The following DMTF1 variants were observed in gnomAD, a reference collection of about 807,000 sequenced individuals.
DMTF1 encodes cyclin-D-binding Myb-like transcription factor 1.
Under a neutral mutation model 91.1 loss-of-function variants are expected in DMTF1, and 39 were observed. That is an observed-to-expected ratio of 0.43 (90% CI 0.33 to 0.56). DMTF1 has a LOEUF of 0.56. DMTF1 is among the 20% of genes least tolerant of loss of function. The pLI, the probability that DMTF1 is intolerant of heterozygous loss-of-function variation, is 0.05. For synonymous variants in DMTF1, 338 were observed against 309.5 expected, an observed-to-expected ratio of 1.09 and a Z score of -0.97; for missense variants, 750 against 914.5, an observed-to-expected ratio of 0.82 and a Z score of 2.32.
At chr7:87,191,954 G>T (rs1466429180) in intron 14 of DMTF1, among the ~76,000 whole-genome samples, 3 of 152,092 alleles carry the variant, frequency 2.0e-5, no homozygotes, top group African/African-American at 7.2e-5. Flanking sequence ...AATCCCAAGA[G>T]GATGGCCACC....
chr7:87,160,341 C>T (rs756665146), intron 1 of DMTF1, among the ~76,000 whole-genome samples: 2 of 149,752 alleles, frequency 1.3e-5, no homozygotes, highest in African/African-American at 4.9e-5. Context: ...ATGGGACGAT[C>T]TTGGCTCACT....
At chr7:87,182,100 T>G in intron 9 of DMTF1, 128 bp from the exon 10 acceptor site, 2 of 1,546,606 alleles carry the variant, frequency 1.3e-6, no homozygotes, top group South Asian at 2.4e-5. Flanking sequence ...AAACTTTGGC[T>G]CTCAAAGTAT....
intron 16 of DMTF1, 148 bp downstream of exon 16, chr7:87,194,250 C>A: frequency 2.4e-6 from 2 of 825,842 alleles, no homozygotes. Flanking sequence ...CAGAAATGGG[C>A]AGGCAGTGAT....
At chr7:87,167,288 T>A (rs911536676) in intron 4 of DMTF1, among the ~76,000 whole-genome samples, 5 of 152,206 alleles carry the variant, frequency 3.3e-5, no homozygotes, top group African/African-American at 1.2e-4. Context: ...GACTGGCTTC[T>A]ATAGGAGGTA....
chr7:87,181,391 C>A, intron 9 of DMTF1, 50 bp downstream of exon 9: 2 of 909,324 alleles, frequency 2.2e-6, no homozygotes, highest in South Asian at 1.5e-5. Flanking sequence ...TGTCTTACGT[C>A]CTTAAAAGTT....
chr7:87,174,749 A>C, intron 7 of DMTF1, 80 bp downstream of exon 7: 1 of 881,296 alleles, frequency 1.1e-6, no homozygotes, highest in South Asian at 1.8e-5. Context: ...TGTTGTGTGC[A>C]CTTATTAGGA....
chr7:87,179,727 G>A (rs752216026), intron 8 of DMTF1, 25 bp downstream of exon 8: 3 of 1,543,976 alleles, frequency 1.9e-6, no homozygotes, highest in Non-Finnish European at 2.6e-6. Flanking sequence ...AATGCTGCAT[G>A]TTTTCATGTA....
chr7:87,159,418 A>G (rs912792878), intron 1 of DMTF1, among the ~76,000 whole-genome samples: 1 of 145,858 alleles, frequency 6.9e-6, no homozygotes, highest in African/African-American at 2.5e-5. Flanking sequence ...TAGAATTTTC[A>G]CATCTATTCA....
chr7:87,194,616 C>T lies in DMTF1; in HGVS notation c.2029-68C>T, dbSNP rs549746065. ...ATGTTTAAGTCTAACCTATACATACCTATACATGGGATTTTAAGGAAGACT... is the reference window on the plus strand; with the variant it reads ...ATGTTTAAGTCTAACCTATACATACTTATACATGGGATTTTAAGGAAGACT... On this transcript the variant is annotated intron_variant, in intron 16 of 17. Coordinates refer to ENST00000331242, the MANE Select transcript of DMTF1 (RefSeq NM_001142327.2). 1.0e-3 allele frequency: 1,218 copies of T among 1,207,366 alleles called. 2 individuals carry two copies. Among genetic ancestry groups the T allele is most frequent in the Non-Finnish European group, 1.3e-3 (1,083 of 840,868 alleles). 74.8% of individuals were successfully genotyped at this position (1,207,366 alleles called of 1,614,324 possible).
In DMTF1 at chr7:87,166,583, C is replaced by G. The variant is rs752975142; in HGVS notation, c.210C>G (p.Cys70Trp). 6.2e-7 allele frequency: 1 copy of G among 1,612,982 alleles called. No homozygotes were observed. Among genetic ancestry groups the G allele is most frequent in the Non-Finnish European group, 8.5e-7 (1 of 1,179,328 alleles). Reference sequence around the variant, plus strand: ...AGAGTATTGATGATTCTACTCCTTGCATATCAGTTGTTGCACTTCCACGTA... The same window carrying G: ...AGAGTATTGATGATTCTACTCCTTGGATATCAGTTGTTGCACTTCCACGTA... ...DDQSIDDSTP[C>W]ISVVALPLSE... is the part of the protein sequence containing the mutation. Residue 70 changes from cysteine to tryptophan, a missense_variant, in exon 4 of 18, where the codon TGC (cysteine) becomes TGG (tryptophan). This residue lies in a region of DMTF1 where 150 missense variants were observed against 150.4 expected (regional missense o/e 1.00). Transcript: ENST00000331242.
chr7:87,158,245 G>A (rs1041663100), intron 1 of DMTF1, among the ~76,000 whole-genome samples: 1 of 151,940 alleles, frequency 6.6e-6, no homozygotes, highest in African/African-American at 2.4e-5. Context: ...ACGTTCCAAT[G>A]TACTTGGTAA....
chr7:87,164,836 C>A (rs1483315397), intron 2 of DMTF1, 98 bp from the exon 3 acceptor site: 15 of 596,018 alleles, frequency 2.5e-5, no homozygotes, highest in Non-Finnish European at 3.8e-5. Context: ...AGGCAGATAC[C>A]CAAATAAATG....
intron 4 of DMTF1, 70 bp from the exon 5 acceptor site, chr7:87,170,925 C>T: frequency 2.0e-6 from 2 of 1,009,196 alleles, no homozygotes; most frequent in Non-Finnish European, 3.0e-6. Flanking sequence ...TTTTTTTTCC[C>T]ATGGATATTT....
Position 87,175,616 on chromosome 7 carries a change from CAGAA to C in DMTF1, c.519+952_519+955del, listed in dbSNP as rs1240778457. 2.6e-5 allele frequency among the ~76,000 whole-genome samples: 4 copies of C among 152,170 alleles called. No individual in the cohort carries two copies. The East Asian group carries it at 5.8e-4, about 22-fold the overall frequency. On this transcript the variant is annotated intron_variant, in intron 7 of 17. Transcript: ENST00000331242. The stretch of plus-strand genomic sequence containing the variant: ...TACATGTGAATTCTGTACAAGATTA[CAGAA>C]AGAAGAGTTTTTAGAGCAGTTATGG...
At chr7:87,172,312 T>A (rs919748452) in intron 5 of DMTF1, among the ~76,000 whole-genome samples, 2 of 152,246 alleles carry the variant, frequency 1.3e-5, no homozygotes, top group Non-Finnish European at 2.9e-5. Context: ...AATAGAGGGC[T>A]ATAAAACTTA....
intron 1 of DMTF1, chr7:87,163,193 A>G (rs902363273): frequency 6.6e-6 from 1 of 151,650 alleles, no homozygotes; most frequent in African/African-American, 2.4e-5. Flanking sequence ...TCTACAGTTC[A>G]TAGAATCACT....
intron 14 of DMTF1, chr7:87,192,830 A>G (rs2129195919): frequency 5.7e-6 from 1 of 175,448 alleles, no homozygotes; most frequent in Middle Eastern, 2.7e-3. Context: ...GTGTTCAAGT[A>G]AACACTGCTG....
chr7:87,192,930 T>C (rs1452604622), intron 14 of DMTF1: 2 of 337,934 alleles, frequency 5.9e-6, no homozygotes, highest in Non-Finnish European at 1.1e-5. Context: ...TGTGGGTTAC[T>C]GCACTGGAAA....
chr7:87,180,885 A>T (rs577788497), intron 8 of DMTF1, among the ~76,000 whole-genome samples: 21 of 134,890 alleles, frequency 1.6e-4, no homozygotes, highest in African/African-American at 5.9e-4. Context: ...TTTGAGACAG[A>T]GTCTGTGTTG....
Sources: allele counts gnomAD v4.1 joint callset (sites outside exome capture counted in the v4.1 genomes callset), GRCh38; gene constraint gnomAD v4.1.1; regional missense constraint gnomAD v4.1.1; transcripts MANE v1.5; gene names NCBI Gene and HGNC (gene_info 2026-07-23, HGNC 2026-07-21).